WDR1: variants seen among roughly 807,000 people sequenced by gnomAD.
The protein encoded by WDR1 is WD repeat domain 1.
Under a neutral mutation model 71.9 loss-of-function variants are expected in WDR1, and 21 were observed. The observed-to-expected ratio is 0.29, with a 90% CI of 0.21 to 0.42. The LOEUF is 0.42. WDR1 is among the 10% of genes least tolerant of loss of function. The pLI is 1.00. For synonymous variants in WDR1, 424 were observed against 347.4 expected (o/e 1.22, Z -2.45); for missense variants, 696 against 824.5 (o/e 0.84, Z 1.91).
chr4:10,076,073 A>G (rs1376702307), intron 14 of WDR1: 1 of 152,976 alleles, frequency 6.5e-6, no homozygotes, highest in Admixed American at 6.5e-5. Flanking sequence ...CTGCCCATGA[A>G]GCCCAGGGAG....
chr4:10,082,875 A>T, intron 10 of WDR1, 147 bp downstream of exon 10: 1 of 1,089,450 alleles, frequency 9.2e-7, no homozygotes, highest in South Asian at 1.8e-5. Context: ...TCAGGGCCCA[A>T]CAACAGGAGA....
chr4:10,102,049 C>G (rs1712712114), intron 3 of WDR1, among the ~76,000 whole-genome samples: 1 of 152,234 alleles, frequency 6.6e-6, no homozygotes, highest in South Asian at 2.1e-4. Context: ...GGGCCCAACC[C>G]TTCACCGTGA....
At chr4:10,091,438 C>G (rs377202731) in intron 5 of WDR1, 2 of 152,262 alleles carry the variant, frequency 1.3e-5, no homozygotes, top group Admixed American at 6.5e-5. Context: ...GCTTTACCCC[C>G]CGAGGGGCCA....
At chr4:10,103,281 C>T (rs924912926) in intron 3 of WDR1, among the ~76,000 whole-genome samples, 2 of 64,588 alleles carry the variant, frequency 3.1e-5, no homozygotes, top group Non-Finnish European at 5.0e-5. Context: ...CACACACACA[C>T]ACACACAGAC....
At chr4:10,079,594 C>T (rs1439554968) in intron 11 of WDR1, among the ~76,000 whole-genome samples, 1 of 152,246 alleles carries the variant, frequency 6.6e-6, no homozygotes, top group Non-Finnish European at 1.5e-5. Flanking sequence ...TTCCTTCCAT[C>T]TCCCTTCCTT....
intron 2 of WDR1, 28 bp from the exon 3 acceptor site, chr4:10,104,014 G>C: frequency 6.4e-7 from 1 of 1,570,638 alleles, no homozygotes; most frequent in Non-Finnish European, 8.6e-7. Context: ...GGAATGAACA[G>C]AAGGAATGGA....
intron 13 of WDR1, 132 bp downstream of exon 13, chr4:10,077,621 C>G (rs981192092): frequency 3.4e-6 from 5 of 1,458,276 alleles, no homozygotes; most frequent in Non-Finnish European, 4.6e-6. Context: ...GCACGAGGCA[C>G]CTGCTACTTG....
At chr4:10,116,624 TC>T (rs1286522335) in intron 1 of WDR1, 26 bp downstream of exon 1, 2 of 1,223,956 alleles carry the variant, frequency 1.6e-6, no homozygotes, top group Non-Finnish European at 2.0e-6. Context: ...CGGCGGCCGC[TC>T]GGGGGCCCCG....
rs375033148 is a variant in WDR1 at position 10,084,572 on chromosome 4, T to C, written c.952-42A>G. 4 of 1,577,322 alleles carry C rather than the reference T, an allele frequency of 2.5e-6. No homozygotes were observed. In the African/African-American group the frequency reaches 4.0e-5, roughly 16 times the overall value. ...CTGGGCGGGTAAGCTGATGACACAC[T>C]GCCCTGCCCTCTGCCACCCGCTTTC... On this transcript the variant is annotated intron_variant, in intron 8 of 14. Coordinates refer to ENST00000499869, the MANE Select transcript of WDR1 (RefSeq NM_017491.5).
intron 6 of WDR1, 43 bp from the exon 7 acceptor site, chr4:10,088,416 C>A: frequency 1.3e-6 from 2 of 1,526,252 alleles, no homozygotes; most frequent in Non-Finnish European, 1.8e-6. Flanking sequence ...TGTGTGAACA[C>A]CCTCTGGAGT....
At chr4:10,089,835 T>C (rs1159646789) in intron 5 of WDR1, among the ~76,000 whole-genome samples, 1 of 152,198 alleles carries the variant, frequency 6.6e-6, no homozygotes, top group Non-Finnish European at 1.5e-5. Flanking sequence ...CTGTGTTTGA[T>C]TGTGTAATGT....
At chr4:10,113,219 G>A (rs1434192504) in intron 2 of WDR1, among the ~76,000 whole-genome samples, 1 of 152,138 alleles carries the variant, frequency 6.6e-6, no homozygotes, top group Non-Finnish European at 1.5e-5. Flanking sequence ...AAATTAGCCA[G>A]GTGAATTGGC....
intron 2 of WDR1, among the ~76,000 whole-genome samples, chr4:10,112,276 C>G (rs1474445651): frequency 6.6e-6 from 1 of 152,100 alleles, no homozygotes; most frequent in African/African-American, 2.4e-5. Flanking sequence ...CACCCCAGAC[C>G]TAAGGAGGTA....
At chr4:10,100,653 G>A (rs1481760696) in intron 3 of WDR1, among the ~76,000 whole-genome samples, 1 of 152,170 alleles carries the variant, frequency 6.6e-6, no homozygotes, top group Non-Finnish European at 1.5e-5. Flanking sequence ...TCCCAGAAGG[G>A]CCCAGTTCTC....
chr4:10,077,992 AG>A (rs772393514), intron 12 of WDR1, 66 bp from the exon 13 acceptor site: 17 of 1,479,336 alleles, frequency 1.1e-5, no homozygotes, highest in Admixed American at 2.4e-5. Flanking sequence ...TCCTTTGTGA[AG>A]GGGGGGTCGA....
At chr4:10,103,275 C>T (rs1001098950) in intron 3 of WDR1, among the ~76,000 whole-genome samples, 5 of 97,286 alleles carry the variant, frequency 5.1e-5, no homozygotes, top group Non-Finnish European at 7.8e-5. Context: ...CATACACACA[C>T]ACACACACAC....
At position 10,115,236 on chromosome 4, in the gene WDR1, G is replaced by A. The variant is rs550746423; in HGVS notation, c.138+877C>T. Among the ~76,000 whole-genome samples, 13 of 152,344 alleles carry A rather than the reference G, an allele frequency of 8.5e-5. No individual in the cohort carries two copies. The South Asian group carries it at 2.7e-3, about 32-fold the overall frequency. Reference sequence around the variant, plus strand: ...AATTCCATCACTCAGGCTGAGGAAGGGAAAAGCAAAATTTAAGCGTGTAAC... The same window carrying A: ...AATTCCATCACTCAGGCTGAGGAAGAGAAAAGCAAAATTTAAGCGTGTAAC... On this transcript the variant is annotated intron_variant, in intron 2 of 14. Coordinates refer to ENST00000499869, the MANE Select transcript of WDR1 (RefSeq NM_017491.5).
chr4:10,102,366 C>T (rs1174344130), intron 3 of WDR1, among the ~76,000 whole-genome samples: 2 of 152,198 alleles, frequency 1.3e-5, no homozygotes, highest in Non-Finnish European at 1.5e-5. Flanking sequence ...GAAACTTAAT[C>T]CCCAATGCAT....
At chr4:10,108,869 C>T (rs1388343527) in intron 2 of WDR1, among the ~76,000 whole-genome samples, 2 of 152,226 alleles carry the variant, frequency 1.3e-5, no homozygotes, top group African/African-American at 4.8e-5. Context: ...TCCCTGACTC[C>T]CACCCCACTG....
Sources: gnomAD v4.1 joint callset for allele counts (sites outside exome capture counted in the v4.1 genomes callset) on GRCh38, gnomAD v4.1.1 for gene constraint, MANE v1.5 for transcripts, NCBI Gene and HGNC (gene_info 2026-07-23, HGNC 2026-07-21) for gene names.